The following ADCY8 variants were observed in gnomAD, a reference collection of about 807,000 sequenced individuals.
ADCY8 encodes the protein adenylate cyclase 8.
ADCY8 carries 51 observed loss-of-function variants against 119.7 expected under a neutral mutation model. The observed-to-expected ratio is 0.43, with a 90% CI of 0.34 to 0.54. ADCY8 has a LOEUF of 0.54. Ranked by LOEUF, ADCY8 falls within the 20% of genes least tolerant of loss-of-function variation. The pLI, the probability that ADCY8 is intolerant of heterozygous loss-of-function variation, is 0.03. For missense variants in ADCY8, 1,383 were observed against 1,598.8 expected (o/e 0.87, Z 2.30); for synonymous variants, 665 against 651.0 (o/e 1.02, Z -0.33).
At chr8:130,953,693 T>C (rs1411447452) in intron 2 of ADCY8, among the ~76,000 whole-genome samples, 1 of 152,206 alleles carries the variant, frequency 6.6e-6, no homozygotes, top group Non-Finnish European at 1.5e-5. Flanking sequence ...AATAATATCA[T>C]CTACTTCAAA....
chr8:130,884,217 G>A (rs1345709993), intron 8 of ADCY8, among the ~76,000 whole-genome samples: 1 of 152,170 alleles, frequency 6.6e-6, no homozygotes, highest in Admixed American at 6.5e-5. Context: ...TGCAGCTGAT[G>A]TGAATTCATC....
At position 130,932,392 on chromosome 8, in the gene ADCY8, G is replaced by C. The variant is rs76313380; in HGVS notation, c.1481+4681C>G. On this transcript the variant is annotated intron_variant, in intron 5 of 17. Transcript: ENST00000286355. ...AGGCTTAGTCTGTGGGTACCAGCCT[G>C]GTATATGGGATCATGAGGGTCTGCC... Among the ~76,000 whole-genome samples, 59 of 152,226 alleles carry C rather than the reference G, an allele frequency of 3.9e-4. 1 individual carries two copies. Among genetic ancestry groups the C allele is most frequent in the Non-Finnish European group, 7.6e-4 (52 of 68,004 alleles).
chr8:131,000,321 C>A (rs551570017), intron 1 of ADCY8, among the ~76,000 whole-genome samples: 1 of 152,190 alleles, frequency 6.6e-6, no homozygotes, highest in East Asian at 1.9e-4. Context: ...CTGGACAAGG[C>A]AGGACACAGG....
chr8:130,989,677 C>T (rs982145466), intron 2 of ADCY8, among the ~76,000 whole-genome samples: 11 of 152,254 alleles, frequency 7.2e-5, no homozygotes, highest in African/African-American at 1.4e-4. Context: ...TATTCATGGA[C>T]TTAAAATATA....
At chr8:131,021,298 C>T (rs1420435398) in intron 1 of ADCY8, among the ~76,000 whole-genome samples, 2 of 152,094 alleles carry the variant, frequency 1.3e-5, no homozygotes, top group African/African-American at 4.8e-5. Context: ...GGCCCACCAA[C>T]CTTCTGTATG....
intron 9 of ADCY8, among the ~76,000 whole-genome samples, chr8:130,862,030 T>C (rs1817947872): frequency 6.6e-6 from 1 of 152,228 alleles, no homozygotes; most frequent in Non-Finnish European, 1.5e-5. Flanking sequence ...AGAAGTTCTG[T>C]TGGAGCATGG....
intron 1 of ADCY8, among the ~76,000 whole-genome samples, chr8:130,991,415 C>T (rs7844745): frequency 0.1 from 15,766 of 152,110 alleles, 2,638 homozygotes; most frequent in African/African-American, 0.35. Context: ...GAAAAGAACC[C>T]GGTGAAAGAA....
In ADCY8 at chr8:130,829,891, C is replaced by G. The variant is rs183434450; in HGVS notation, c.2675+6386G>C. On this transcript the variant is annotated intron_variant, in intron 12 of 17. Coordinates refer to ENST00000286355, the MANE Select transcript of ADCY8 (RefSeq NM_001115.3). ...TTTTACAACCCACTGGAATGGCTGACAGCAATCAAACTCCAAATGGTGCTG... is the reference window on the plus strand; with the variant it reads ...TTTTACAACCCACTGGAATGGCTGAGAGCAATCAAACTCCAAATGGTGCTG... Among the ~76,000 whole-genome samples the G allele has an allele frequency of 1.5e-3, 223 of 152,338 alleles. 1 individual carries two copies. Among genetic ancestry groups the G allele is most frequent in the Admixed American group, 3.7e-3 (56 of 15,304 alleles).
At chr8:130,846,778 C>CTCCT (rs147961219) in intron 11 of ADCY8, among the ~76,000 whole-genome samples, 18,600 of 79,680 alleles carry the variant, frequency 0.23, 4,299 homozygotes, top group African/African-American at 0.36. Context: ...TTCCTTCCTT[C>CTCCT]TCCTTCCTTC....
At chr8:130,913,296 A>G (rs1386767991) in intron 5 of ADCY8, among the ~76,000 whole-genome samples, 1 of 151,600 alleles carries the variant, frequency 6.6e-6, no homozygotes, top group Non-Finnish European at 1.5e-5. Context: ...TCTTTTTTCT[A>G]TTTTTTTCTA....
Position 130,849,648 on chromosome 8 carries a change from A to G in ADCY8, c.2366T>C (p.Ile789Thr). Reference protein sequence around the residue: ...NETYLARNVIIFASILINFLG... With the variant: ...NETYLARNVITFASILINFLG... The stretch of plus-strand genomic sequence containing the variant: ...GAAATTAATCAAAATGGATGCAAAG[A>G]TGATGACGTTCCGGGCCAAATAGGT... The change falls in exon 10 of 18, where the codon ATC becomes ACC. Residue 789 changes from isoleucine (I) to threonine (T), a missense_variant. Coordinates refer to ENST00000286355, the MANE Select transcript of ADCY8 (RefSeq NM_001115.3). 1.2e-6 allele frequency: 2 copies of G among 1,614,062 alleles called. No homozygotes were observed. The highest frequency in any genetic ancestry group is 1.1e-5 in the South Asian group (1 of 91,084).
intron 6 of ADCY8, among the ~76,000 whole-genome samples, chr8:130,908,461 A>G (rs1192492843): frequency 6.6e-6 from 1 of 152,210 alleles, no homozygotes; most frequent in African/African-American, 2.4e-5. Flanking sequence ...CATAGAGTGA[A>G]GGATCCCCAT....
intron 1 of ADCY8, among the ~76,000 whole-genome samples, chr8:131,030,894 C>T (rs1021708772): frequency 2.6e-5 from 4 of 152,192 alleles, no homozygotes; most frequent in Non-Finnish European, 5.9e-5. Flanking sequence ...CCCAGGGGAG[C>T]TCCTCAAAGG....
At chr8:130,984,296 C>T (rs1185145690) in intron 2 of ADCY8, among the ~76,000 whole-genome samples, 4 of 152,066 alleles carry the variant, frequency 2.6e-5, no homozygotes, top group Non-Finnish European at 4.4e-5. Flanking sequence ...CATTCTTACC[C>T]GACAGAAAGG....
At chr8:130,995,162 C>A (rs1276803938) in intron 1 of ADCY8, among the ~76,000 whole-genome samples, 1 of 152,138 alleles carries the variant, frequency 6.6e-6, no homozygotes, top group African/African-American at 2.4e-5. Flanking sequence ...AGACTTATTT[C>A]ATAAATATGA....
intron 13 of ADCY8, among the ~76,000 whole-genome samples, chr8:130,814,747 A>G (rs936742634): frequency 6.6e-6 from 1 of 152,198 alleles, no homozygotes; most frequent in Admixed American, 6.5e-5. Context: ...CATGAAAGTC[A>G]TTCACTACCA....
intron 1 of ADCY8, among the ~76,000 whole-genome samples, chr8:131,019,466 T>C (rs1386540738): frequency 6.6e-6 from 1 of 152,200 alleles, no homozygotes; most frequent in Non-Finnish European, 1.5e-5. Flanking sequence ...CCTGTTAAGC[T>C]GCTGGTACTG....
chr8:131,003,476 A>T (rs907741277), intron 1 of ADCY8, among the ~76,000 whole-genome samples: 2 of 152,158 alleles, frequency 1.3e-5, no homozygotes, highest in African/African-American at 4.8e-5. Context: ...TTATTCCAGG[A>T]GTGTTTTGCA....
intron 8 of ADCY8, among the ~76,000 whole-genome samples, chr8:130,882,930 C>T (rs1271701533): frequency 6.6e-6 from 1 of 152,088 alleles, no homozygotes; most frequent in African/African-American, 2.4e-5. Context: ...GTTGCCATCA[C>T]CACTGGGGAA....
Sources: gnomAD v4.1 joint callset for allele counts (sites outside exome capture counted in the v4.1 genomes callset) on GRCh38, gnomAD v4.1.1 for gene constraint, MANE v1.5 for transcripts, NCBI Gene and HGNC (gene_info 2026-07-23, HGNC 2026-07-21) for gene names.